SCUBE1: variants seen among roughly 807,000 people sequenced by gnomAD.
SCUBE1 encodes the protein signal peptide, CUB domain and EGF like domain containing 1.
In SCUBE1, 59 loss-of-function variants were observed where a neutral mutation model predicts 124.4. That is an observed-to-expected ratio of 0.47 (90% CI 0.38 to 0.59). The LOEUF is 0.59. Ranked by LOEUF, SCUBE1 falls within the 20% of genes least tolerant of loss-of-function variation. SCUBE1 has a pLI of 0.00. For missense variants in SCUBE1, 1,150 were observed against 1,371.2 expected, an observed-to-expected ratio of 0.84 and a Z score of 2.55; for synonymous variants, 545 against 550.9, an observed-to-expected ratio of 0.99 and a Z score of 0.15.
intron 6 of SCUBE1, among the ~76,000 whole-genome samples, chr22:43,242,618 T>A (rs1217164558): frequency 6.6e-6 from 1 of 152,044 alleles, no homozygotes; most frequent in Non-Finnish European, 1.5e-5. Flanking sequence ...GAAACACACT[T>A]GTGGAGGGCG....
intron 4 of SCUBE1, chr22:43,270,541 C>T (rs979793890): frequency 6.6e-6 from 1 of 152,264 alleles, no homozygotes; most frequent in Non-Finnish European, 1.5e-5. Context: ...CTCCTCAGAT[C>T]CATGGAGAGC....
At chr22:43,294,304 C>T (rs1047739213) in intron 3 of SCUBE1, among the ~76,000 whole-genome samples, 3 of 152,218 alleles carry the variant, frequency 2.0e-5, no homozygotes, top group African/African-American at 7.2e-5. Flanking sequence ...CCACACACGC[C>T]TCTTGCACCC....
chr22:43,342,963 T>G (rs1250284968), intron 1 of SCUBE1, among the ~76,000 whole-genome samples: 1 of 139,880 alleles, frequency 7.1e-6, no homozygotes, highest in Non-Finnish European at 1.6e-5. Flanking sequence ...CCACCCCTGG[T>G]GCGGCCCCGC....
At chr22:43,241,426 G>A (rs1054260369) in intron 6 of SCUBE1, among the ~76,000 whole-genome samples, 1 of 152,110 alleles carries the variant, frequency 6.6e-6, no homozygotes, top group African/African-American at 2.4e-5. Flanking sequence ...GCCCAAGGCT[G>A]TGCAGCCTCA....
chr22:43,281,488 G>GTCATCTCCCTCA (rs1569010806), intron 4 of SCUBE1, among the ~76,000 whole-genome samples: 5 of 72,544 alleles, frequency 6.9e-5, no homozygotes, highest in African/African-American at 5.4e-4. Context: ...CTCCCTCTTT[G>GTCATCTCCCTCA]GCCACCCTCC....
chr22:43,301,966 A>G (rs931762203), intron 3 of SCUBE1, among the ~76,000 whole-genome samples: 2 of 152,188 alleles, frequency 1.3e-5, no homozygotes, highest in African/African-American at 4.8e-5. Context: ...AGGGGCTGCC[A>G]TGAGGCCCTG....
At chr22:43,262,622 C>A (rs1923913445) in intron 5 of SCUBE1, 98 bp downstream of exon 5, 2 of 1,464,862 alleles carry the variant, frequency 1.4e-6, no homozygotes, top group African/African-American at 1.4e-5. Flanking sequence ...GGGCTGGGGA[C>A]CCTCCCTGGC....
chr22:43,238,920 C>T lies in SCUBE1; in HGVS notation c.762G>A (p.Arg254=), dbSNP rs767723491. The change falls in exon 7 of 22, where the codon CGG becomes CGA. Residue 254 remains arginine (R), a synonymous_variant. Coordinates refer to ENST00000360835, the MANE Select transcript of SCUBE1 (RefSeq NM_173050.5). ...TCAVNNGGCD[R]TCKDTATGVR... ...CGCCAGTGGCTGTGTCCTTGCATGT[C>T]CGGTCGCAGCCTCCGTTATTGACTG... The T allele has an allele frequency of 2.5e-6, 4 of 1,613,076 alleles. No individual in the cohort carries two copies. The highest frequency in any genetic ancestry group is 1.7e-4 in the Middle Eastern group (1 of 6,060).
At chr22:43,334,182 G>T (rs1438433879) in intron 2 of SCUBE1, among the ~76,000 whole-genome samples, 1 of 152,212 alleles carries the variant, frequency 6.6e-6, no homozygotes, top group African/African-American at 2.4e-5. Flanking sequence ...GGAGGGTGCG[G>T]TAATTGATTA....
At chr22:43,307,490 A>G (rs986069773) in intron 3 of SCUBE1, among the ~76,000 whole-genome samples, 15 of 152,210 alleles carry the variant, frequency 9.9e-5, no homozygotes, top group African/African-American at 3.4e-4. Flanking sequence ...CTGCTGGGAC[A>G]AGGAGGACAC....
intron 3 of SCUBE1, among the ~76,000 whole-genome samples, chr22:43,299,189 G>T (rs1225607630): frequency 2.6e-5 from 4 of 152,210 alleles, no homozygotes; most frequent in Admixed American, 6.5e-5. Flanking sequence ...AGGTGTTTGG[G>T]AGTCAAAGGA....
At chr22:43,294,540 A>C (rs1358903870) in intron 3 of SCUBE1, among the ~76,000 whole-genome samples, 1 of 151,928 alleles carries the variant, frequency 6.6e-6, no homozygotes, top group Non-Finnish European at 1.5e-5. Context: ...CATTTGGCAC[A>C]CTCTATTATG....
chr22:43,230,860 C>A (rs1052000709), intron 8 of SCUBE1, among the ~76,000 whole-genome samples: 1 of 152,180 alleles, frequency 6.6e-6, no homozygotes, highest in Non-Finnish European at 1.5e-5. Context: ...CAGGGCCTCA[C>A]CCTGCCCCGT....
At chr22:43,228,932 C>T (rs1922437331) in intron 9 of SCUBE1, 140 bp downstream of exon 9, 1 of 661,274 alleles carries the variant, frequency 1.5e-6, no homozygotes. Flanking sequence ...AGCCCCTCTG[C>T]CCAGGAGTCC....
Position 43,221,252 on chromosome 22 carries a change from G to A in SCUBE1, c.1470C>T (p.Phe490=), listed in dbSNP as rs1398336899. Residue 490 remains phenylalanine (F), a synonymous_variant, in exon 13 of 22, where the codon TTC becomes TTT. Coordinates refer to ENST00000360835, the MANE Select transcript of SCUBE1 (RefSeq NM_173050.5). ...GGTGGCACTTGGCATCTCGGATCTT[G>A]AAGCGGGCCTTCTGTTTGATGGGGG... ...PTTPIKQKAR[F]KIRDAKCHLR... 3.4e-5 allele frequency: 55 copies of A among 1,611,448 alleles called. No homozygotes were observed. Among genetic ancestry groups the A allele is most frequent in the Non-Finnish European group, 4.4e-5 (52 of 1,179,880 alleles).
chr22:43,324,263 A>G (rs936332193), intron 2 of SCUBE1, among the ~76,000 whole-genome samples: 4 of 152,244 alleles, frequency 2.6e-5, no homozygotes, highest in African/African-American at 7.2e-5. Flanking sequence ...TGAATAGTCA[A>G]TAAAACAACT....
At chr22:43,305,567 G>A (rs1208449525) in intron 3 of SCUBE1, among the ~76,000 whole-genome samples, 1 of 152,152 alleles carries the variant, frequency 6.6e-6, no homozygotes, top group Admixed American at 6.5e-5. Flanking sequence ...CGGGGGACAG[G>A]CTTAATATTT....
At chr22:43,249,676 C>T (rs946201954) in intron 6 of SCUBE1, among the ~76,000 whole-genome samples, 6 of 152,154 alleles carry the variant, frequency 3.9e-5, no homozygotes, top group Non-Finnish European at 7.4e-5. Flanking sequence ...ATTTGGGGGA[C>T]GGGAAACCCG....
chr22:43,285,933 C>T (rs781126258), intron 4 of SCUBE1, among the ~76,000 whole-genome samples: 2 of 152,220 alleles, frequency 1.3e-5, no homozygotes, highest in Non-Finnish European at 2.9e-5. Flanking sequence ...ACCACCAGCT[C>T]GCTAGTTTGT....
Sources: gnomAD v4.1 joint callset for allele counts (sites outside exome capture counted in the v4.1 genomes callset) on GRCh38, gnomAD v4.1.1 for gene constraint, MANE v1.5 for transcripts, NCBI Gene and HGNC (gene_info 2026-07-23, HGNC 2026-07-21) for gene names.